Variants in ZFYVE28 observed in about 807,000 individuals in gnomAD.
The protein encoded by ZFYVE28 is lateral signaling target protein 2 homolog.
In ZFYVE28, 40 loss-of-function variants were observed where a neutral mutation model predicts 82.1. That is an observed-to-expected ratio of 0.49 (90% CI 0.38 to 0.63). The LOEUF is 0.63. Ranked by LOEUF, ZFYVE28 falls within the 30% of genes least tolerant of loss-of-function variation. The pLI is 0.00. For missense variants in ZFYVE28, 1,321 were observed against 1,242.1 expected, an observed-to-expected ratio of 1.06 and a Z score of -0.96; for synonymous variants, 612 against 546.1, an observed-to-expected ratio of 1.12 and a Z score of -1.68.
chr4:2,407,264 C>T (rs1732024297), intron 1 of ZFYVE28, among the ~76,000 whole-genome samples: 1 of 152,130 alleles, frequency 6.6e-6, no homozygotes, highest in Admixed American at 6.5e-5. Flanking sequence ...TTTTGCTCTC[C>T]TCCACGAACG....
At chr4:2,370,026 C>T (rs1289000969) in intron 1 of ZFYVE28, among the ~76,000 whole-genome samples, 2 of 151,402 alleles carry the variant, frequency 1.3e-5, no homozygotes, top group African/African-American at 2.4e-5. Context: ...AATTTTTGTA[C>T]TCTTAATAGA....
chr4:2,314,788 T>C (rs928138810), intron 7 of ZFYVE28, among the ~76,000 whole-genome samples: 7 of 152,178 alleles, frequency 4.6e-5, no homozygotes, highest in Admixed American at 2.6e-4. Flanking sequence ...CTCTCTTGCA[T>C]TACTTTTTTT....
At chr4:2,342,167 G>T (rs1042510032) in intron 2 of ZFYVE28, among the ~76,000 whole-genome samples, 2 of 152,198 alleles carry the variant, frequency 1.3e-5, no homozygotes, top group African/African-American at 2.4e-5. Flanking sequence ...GCCAGGCACA[G>T]CTGGGGCCTG....
rs1378698212 is a variant in ZFYVE28 at position 2,418,343 on chromosome 4, G to A, written c.-20C>T. On this transcript the variant is annotated 5_prime_UTR_variant, in exon 1 of 13. Coordinates refer to ENST00000290974, the MANE Select transcript of ZFYVE28 (RefSeq NM_020972.3). The surrounding 1 kb of genome is among the most constrained non-coding windows in gnomAD (Gnocchi z 4.6). ...CATCATCGCCGCGCCGGCCCTGGCC[G>A]GACTCCGGGCGGCCCTCGCCCTCCG... 6.0e-6 allele frequency: 9 copies of A among 1,497,508 alleles called. No homozygotes were observed. The highest frequency in any genetic ancestry group is 2.2e-5 in the Admixed American group (1 of 45,948). 92.8% of individuals were successfully genotyped at this position (1,497,508 alleles called of 1,614,324 possible). A position where few individuals can be genotyped will look rare whatever the true frequency, so the allele number is the denominator to read the frequency against.
At chr4:2,293,836 T>G (rs901300763) in intron 8 of ZFYVE28, among the ~76,000 whole-genome samples, 2 of 150,518 alleles carry the variant, frequency 1.3e-5, no homozygotes, top group Non-Finnish European at 3.0e-5. Flanking sequence ...CAAATTAAAA[T>G]TATAAAACAA....
At chr4:2,290,329 C>G (rs1011504225) in intron 8 of ZFYVE28, among the ~76,000 whole-genome samples, 1 of 152,186 alleles carries the variant, frequency 6.6e-6, no homozygotes, top group Non-Finnish European at 1.5e-5. Flanking sequence ...AACAGGGTCT[C>G]GAACTCTTGG....
At chr4:2,374,077 C>T (rs1257875622) in intron 1 of ZFYVE28, among the ~76,000 whole-genome samples, 1 of 152,194 alleles carries the variant, frequency 6.6e-6, no homozygotes, top group East Asian at 1.9e-4. Context: ...GAGCTCCTCA[C>T]TCTGAACAGC....
rs145658978 is a variant in ZFYVE28 at position 2,394,375 on chromosome 4, C to T, written c.39+23910G>A. On this transcript the variant is annotated intron_variant, in intron 1 of 12. Coordinates refer to ENST00000290974, the MANE Select transcript of ZFYVE28 (RefSeq NM_020972.3). This position sits in a 1 kb window ranked among gnomAD's most constrained non-coding sequence, Gnocchi z 4.0. ...GCTGGGTCACCCACCCCAGCAGCCA[C>T]GTATGCGATCCCACGGCCACACCTG... Among the ~76,000 whole-genome samples the T allele has an allele frequency of 4.4e-3, 665 of 152,246 alleles. 4 individuals carry two copies. The highest frequency in any genetic ancestry group is 0.015 in the African/African-American group (630 of 41,538).
rs1178651400 is a variant in ZFYVE28, at chr4:2,300,642, CCTT to C, written c.2051+3644_2051+3646del. Among the ~76,000 whole-genome samples, 8 of 152,066 alleles carry C rather than the reference CCTT, an allele frequency of 5.3e-5. No homozygotes were observed. The highest frequency in any genetic ancestry group is 1.9e-4 in the African/African-American group (8 of 41,396). On this transcript the variant is annotated intron_variant, in intron 8 of 12. Coordinates refer to ENST00000290974, the MANE Select transcript of ZFYVE28 (RefSeq NM_020972.3). The surrounding 1 kb of genome is among the most constrained non-coding windows in gnomAD (Gnocchi z 4.6). ...CTGGCTGGTGGCTGGGAAGCCCTGTCCTTCCTCCTGGAGGCTGTCGTCTGCCTG... is the reference window on the plus strand; with the variant it reads ...CTGGCTGGTGGCTGGGAAGCCCTGTCCCTCCTGGAGGCTGTCGTCTGCCTG...
chr4:2,316,470 G>A (rs1718225992), intron 7 of ZFYVE28: 1 of 152,366 alleles, frequency 6.6e-6, no homozygotes, highest in African/African-American at 2.4e-5. Context: ...AGCCTCCTGA[G>A]CAGCTGGGAC....
At chr4:2,359,049 ACTGCAAG>A (rs1446819912) in intron 1 of ZFYVE28, among the ~76,000 whole-genome samples, 1 of 145,704 alleles carries the variant, frequency 6.9e-6, no homozygotes, top group African/African-American at 2.6e-5. Context: ...ATCTCAGCTC[ACTGCAAG>A]CTCAGCCTCC....
intron 3 of ZFYVE28, among the ~76,000 whole-genome samples, chr4:2,340,798 G>A (rs1301029315): frequency 6.6e-6 from 1 of 152,154 alleles, no homozygotes; most frequent in East Asian, 1.9e-4. Flanking sequence ...AGAAGGTGGG[G>A]TGGGCAGGGT....
At chr4:2,326,954 A>G (rs1466684515) in intron 6 of ZFYVE28, among the ~76,000 whole-genome samples, 3 of 152,008 alleles carry the variant, frequency 2.0e-5, no homozygotes, top group African/African-American at 4.8e-5. Flanking sequence ...TTTTCCACAG[A>G]TAAGATAAGG....
chr4:2,320,300 T>G lies in ZFYVE28; in HGVS notation c.702-29A>C. ...CATTTGAGACACAAAAGCCAGGATG[T>G]CAGGCCCTGTGGCCCCCTGGGTGCC... On this transcript the variant is annotated intron_variant, in intron 6 of 12. Coordinates refer to ENST00000290974, the MANE Select transcript of ZFYVE28 (RefSeq NM_020972.3). The surrounding 1 kb of genome is among the most constrained non-coding windows in gnomAD (Gnocchi z 5.1). The G allele has an allele frequency of 6.2e-7, 1 of 1,600,218 alleles. No individual in the cohort carries two copies. Among genetic ancestry groups the G allele is most frequent in the Admixed American group, 1.7e-5 (1 of 58,952 alleles).
intron 1 of ZFYVE28, among the ~76,000 whole-genome samples, chr4:2,382,251 C>T (rs1728801469): frequency 6.6e-6 from 1 of 152,200 alleles, no homozygotes; most frequent in African/African-American, 2.4e-5. Flanking sequence ...TACTGGGCAC[C>T]ACCTAGTGGA....
chr4:2,403,034 C>T (rs1325839025), intron 1 of ZFYVE28, among the ~76,000 whole-genome samples: 1 of 152,252 alleles, frequency 6.6e-6, no homozygotes, highest in Non-Finnish European at 1.5e-5. Flanking sequence ...TGAGGAAAGT[C>T]AAAGTGCAAT....
At chr4:2,380,032 T>C (rs1411089561) in intron 1 of ZFYVE28, among the ~76,000 whole-genome samples, 3 of 152,194 alleles carry the variant, frequency 2.0e-5, no homozygotes, top group Non-Finnish European at 2.9e-5. Context: ...TGTGAGGCAC[T>C]GAGTGTTAGC....
At chr4:2,324,550 A>C (rs1578093524) in intron 6 of ZFYVE28, 1 of 180,452 alleles carries the variant, frequency 5.5e-6, no homozygotes, top group South Asian at 1.3e-4. Context: ...ACTGATCTTC[A>C]CTCCTCCCCA....
intron 6 of ZFYVE28, among the ~76,000 whole-genome samples, chr4:2,323,391 G>A (rs534325803): frequency 1.3e-5 from 2 of 152,092 alleles, no homozygotes; most frequent in East Asian, 3.9e-4. Context: ...TTTTAAATTG[G>A]GTTGTTTGTC....
Sources: allele counts gnomAD v4.1 joint callset (sites outside exome capture counted in the v4.1 genomes callset), GRCh38; gene constraint gnomAD v4.1.1; non-coding constraint Gnocchi (gnomAD v3.1); transcripts MANE v1.5; gene names NCBI Gene and HGNC (gene_info 2026-07-23, HGNC 2026-07-21).